The following CEP112 variants were observed in gnomAD, a reference collection of about 807,000 sequenced individuals.
The protein encoded by CEP112 is centrosomal protein 112.
In CEP112, 127 loss-of-function variants were observed where a neutral mutation model predicts 153.0. That is an observed-to-expected ratio of 0.83 (90% CI 0.72 to 0.96). The LOEUF (loss-of-function observed/expected upper bound fraction) is 0.96, where lower values mean the gene tolerates loss of function less well. CEP112 is among the 40% of genes least tolerant of loss of function. CEP112 has a pLI of 0.00. For missense variants in CEP112, 1,089 were observed against 1,101.2 expected, an observed-to-expected ratio of 0.99 and a Z score of 0.16; for synonymous variants, 358 against 374.4, an observed-to-expected ratio of 0.96 and a Z score of 0.51.
intron 24 of CEP112, among the ~76,000 whole-genome samples, chr17:65,664,264 A>T (rs866061242): frequency 4.6e-5 from 7 of 152,134 alleles, no homozygotes; most frequent in African/African-American, 1.7e-4. Context: ...AAAAACCATG[A>T]GCCAAGGCGA....
intron 12 of CEP112, among the ~76,000 whole-genome samples, chr17:66,033,662 CT>C (rs1442476043): frequency 6.6e-6 from 1 of 152,226 alleles, no homozygotes; most frequent in East Asian, 1.9e-4. Flanking sequence ...GTGAAGGAAT[CT>C]TTCCATAGCC....
chr17:66,053,659 G>T, intron 12 of CEP112, 77 bp downstream of exon 12: 2 of 1,404,262 alleles, frequency 1.4e-6, no homozygotes, highest in Non-Finnish European at 2.0e-6. Context: ...TCTACACTGT[G>T]CACATCAGGG....
intron 6 of CEP112, among the ~76,000 whole-genome samples, chr17:66,120,163 G>A (rs1467915012): frequency 6.6e-6 from 1 of 152,044 alleles, no homozygotes; most frequent in Non-Finnish European, 1.5e-5. Context: ...AAATTTGTCA[G>A]TGAAACCATG....
chr17:66,167,135 T>A (rs2072010526), intron 4 of CEP112, among the ~76,000 whole-genome samples: 1 of 152,204 alleles, frequency 6.6e-6, no homozygotes, highest in Non-Finnish European at 1.5e-5. Flanking sequence ...AGAGTCATAA[T>A]TTATTTTTCT....
At chr17:65,953,404 C>G (rs943889991) in intron 18 of CEP112, among the ~76,000 whole-genome samples, 2 of 152,188 alleles carry the variant, frequency 1.3e-5, no homozygotes, top group African/African-American at 4.8e-5. Context: ...TGAACTTTGG[C>G]TCCAAGAACT....
At chr17:66,026,287 A>T (rs183668840) in intron 16 of CEP112, among the ~76,000 whole-genome samples, 1 of 152,322 alleles carries the variant, frequency 6.6e-6, no homozygotes, top group East Asian at 1.9e-4. Flanking sequence ...CAAAAATTTT[A>T]AAAATAAATC....
intron 12 of CEP112, among the ~76,000 whole-genome samples, chr17:66,051,607 C>A (rs2066444979): frequency 6.6e-6 from 1 of 152,242 alleles, no homozygotes; most frequent in African/African-American, 2.4e-5. Flanking sequence ...CTTCTCATTT[C>A]TTTTTCAATG....
At chr17:65,697,650 T>C (rs1598340550) in intron 23 of CEP112, among the ~76,000 whole-genome samples, 3 of 152,244 alleles carry the variant, frequency 2.0e-5, no homozygotes, top group Admixed American at 2.0e-4. Flanking sequence ...AGTGGCAGCG[T>C]GACATTTTTA....
chr17:65,958,863 C>T (rs1383268148), intron 18 of CEP112, among the ~76,000 whole-genome samples: 1 of 152,114 alleles, frequency 6.6e-6, no homozygotes, highest in Admixed American at 6.5e-5. Context: ...TTTTCTGGGC[C>T]TCCCCATGGC....
intron 23 of CEP112, among the ~76,000 whole-genome samples, chr17:65,719,578 T>C (rs1311785922): frequency 1.3e-5 from 2 of 151,710 alleles, no homozygotes; most frequent in Non-Finnish European, 2.9e-5. Flanking sequence ...TGAGACTCAG[T>C]CTCAAAAATA....
At chr17:65,989,590 C>A (rs1479230272) in intron 17 of CEP112, among the ~76,000 whole-genome samples, 7 of 152,046 alleles carry the variant, frequency 4.6e-5, no homozygotes, top group Non-Finnish European at 1.0e-4. Context: ...TTCACCAACA[C>A]CAGAACCATC....
chr17:65,965,517 C>CT (rs1568303324), intron 17 of CEP112, among the ~76,000 whole-genome samples: 9 of 102,822 alleles, frequency 8.8e-5, no homozygotes, highest in African/African-American at 1.4e-4. Flanking sequence ...CCTTCTGCCC[C>CT]CTTTTTTTTT....
chr17:66,108,315 CA>C (rs1350635286), intron 6 of CEP112, among the ~76,000 whole-genome samples: 1 of 151,650 alleles, frequency 6.6e-6, no homozygotes, highest in Non-Finnish European at 1.5e-5. Context: ...CTTGTCATGT[CA>C]AAAAGCTTCT....
intron 11 of CEP112, among the ~76,000 whole-genome samples, chr17:66,058,498 A>AT (rs58360005): frequency 0.46 from 70,465 of 151,812 alleles, 17,422 homozygotes; most frequent in East Asian, 0.89. Flanking sequence ...ATTAGAAAAA[A>AT]GATTCTAAGA....
At chr17:66,073,359 G>C (rs1598294398) in intron 8 of CEP112, among the ~76,000 whole-genome samples, 1 of 152,282 alleles carries the variant, frequency 6.6e-6, no homozygotes, top group East Asian at 1.9e-4. Context: ...AGAAAGCAGA[G>C]GTCAGAGTTC....
At chr17:65,741,586 C>CTAAT (rs1412826866) in intron 23 of CEP112, among the ~76,000 whole-genome samples, 1 of 151,104 alleles carries the variant, frequency 6.6e-6, no homozygotes, top group East Asian at 1.9e-4. Flanking sequence ...AGCAACTGTA[C>CTAAT]TAATTATAAT....
chr17:66,025,571 T>G (rs11079625), intron 16 of CEP112, among the ~76,000 whole-genome samples: 62,388 of 151,882 alleles, frequency 0.41, 14,269 homozygotes, highest in East Asian at 0.87. Context: ...CACTGAATAT[T>G]AGAGAAATGC....
chr17:66,108,399 C>T (rs1049090500), intron 6 of CEP112, among the ~76,000 whole-genome samples: 3 of 151,778 alleles, frequency 2.0e-5, no homozygotes, highest in African/African-American at 7.2e-5. Context: ...TGCAAAGGAG[C>T]TCAAACAACT....
intron 23 of CEP112, among the ~76,000 whole-genome samples, chr17:65,729,827 C>T (rs997441022): frequency 2.6e-5 from 4 of 152,070 alleles, no homozygotes; most frequent in African/African-American, 7.2e-5. Context: ...GAGGGAGGAT[C>T]GCTTGAGCCC....
Sources: gnomAD v4.1 joint callset for allele counts (sites outside exome capture counted in the v4.1 genomes callset) on GRCh38, gnomAD v4.1.1 for gene constraint, MANE v1.5 for transcripts, NCBI Gene and HGNC (gene_info 2026-07-23, HGNC 2026-07-21) for gene names.